CYP4F11: variants seen among roughly 807,000 people sequenced by gnomAD.
CYP4F11 encodes cytochrome P450 family 4 subfamily F member 11.
Under a neutral mutation model 62.2 loss-of-function variants are expected in CYP4F11, and 79 were observed. The observed-to-expected ratio is 1.27, with a 90% confidence interval of 1.06 to 1.53. CYP4F11 has a LOEUF of 1.53. CYP4F11 is among the 40% of genes most tolerant of loss of function. The probability of loss-of-function intolerance (pLI) is 0.00; values close to 1 mark genes in which losing one functional copy is unlikely to be tolerated. For missense variants in CYP4F11, 777 were observed against 680.5 expected, an observed-to-expected ratio of 1.14 and a Z score of -1.58; for synonymous variants, 290 against 263.7, an observed-to-expected ratio of 1.10 and a Z score of -0.97.
chr19:15,912,771 G>GTGTATATA lies in CYP4F11; in HGVS notation c.*960_*961insTATATACA, dbSNP rs1555776620. 1 of 28,094 alleles carries GTGTATATA rather than the reference G, an allele frequency of 3.6e-5. No individual in the cohort carries two copies. The highest frequency in any genetic ancestry group is 1.3e-4 in the African/African-American group (1 of 7,760). The allele number at this position is 28,094 out of a possible 1,614,324, so 1.7% of individuals were successfully genotyped here. A position where few individuals can be genotyped will look rare whatever the true frequency, so the allele number is the denominator to read the frequency against. ...TGTGTGTGTGTGTGTGTGTGTGTGT[G>GTGTATATA]TATATATATATATATATAATATATA... On this transcript the variant is annotated 3_prime_UTR_variant, in exon 12 of 12. Transcript: ENST00000402119.
rs376275200 is a variant in CYP4F11, at chr19:15,934,191, C to T, written c.198+20G>A. On this transcript the variant is annotated intron_variant, in intron 1 of 11. Transcript: ENST00000402119. ...TCCATGCATCCTGAGACCCCAGACC[C>T]GTCCTGCTGACAAACTCACCAGGCC... is the stretch of plus-strand genomic sequence containing the variant. The T allele has an allele frequency of 3.3e-5, 53 of 1,612,702 alleles. 1 individual carries two copies. Among genetic ancestry groups the T allele is most frequent in the Non-Finnish European group, 4.2e-5 (50 of 1,179,138 alleles).
intron 1 of CYP4F11, 141 bp from the exon 2 acceptor site, chr19:15,929,742 G>C (rs1053970421): frequency 2.0e-6 from 2 of 991,070 alleles, no homozygotes; most frequent in African/African-American, 3.3e-5. Flanking sequence ...TGTGTCCATC[G>C]GTGTATTTCC....
In CYP4F11 at chr19:15,912,680, A is replaced by AAAAAAAAAAAAAATATAT. The variant is rs59091525; in HGVS notation, c.*1051_*1052insATATATTTTTTTTTTTTT. 3.0e-5 allele frequency: 2 copies of AAAAAAAAAAAAAATATAT among 66,170 alleles called. No homozygotes were observed. The highest frequency in any genetic ancestry group is 1.3e-4 in the African/African-American group (2 of 15,530). 4.1% of individuals were successfully genotyped at this position (66,170 alleles called of 1,614,324 possible). A position where few individuals can be genotyped will look rare whatever the true frequency, so the allele number is the denominator to read the frequency against. Reference sequence around the variant, plus strand: ...TCACCATCCTCAGGAAAAAAAAAAAAATATATATATATATATATGTGTGTG... The same window carrying AAAAAAAAAAAAAATATAT: ...TCACCATCCTCAGGAAAAAAAAAAAAAAAAAAAAAAAAATATATATATATATATATATATATGTGTGTG... On this transcript the variant is annotated 3_prime_UTR_variant, in exon 12 of 12. Transcript: ENST00000402119.
Position 15,927,446 on chromosome 19 carries a change from G to C in CYP4F11, c.381C>G (p.Phe127Leu). The change falls in exon 3 of 12, where the codon TTC (phenylalanine) becomes TTG (leucine). Residue 127 changes from phenylalanine to leucine, a missense_variant. Physicochemically the swap from Phe to Leu is conservative, Grantham distance 22. Transcript: ENST00000402119. ...ATTACTCACCCAGCCAGGGCTTCAG[G>C]AAGCCATAGAAAATCATATCCTTGG... ...VAPKDMIFYG[F>L]LKPWLGDGLL... 1.2e-6 allele frequency: 2 copies of C among 1,614,114 alleles called. No homozygotes were observed. The highest frequency in any genetic ancestry group is 2.2e-5 in the South Asian group (2 of 91,076).
chr19:15,914,898 A>G lies in CYP4F11; in HGVS notation c.1116-3T>C. 6.2e-7 allele frequency: 1 copy of G among 1,614,106 alleles called. No homozygotes were observed. The highest frequency in any genetic ancestry group is 8.5e-7 in the Non-Finnish European group (1 of 1,179,990). On this transcript the variant is annotated splice_polypyrimidine_tract_variant and splice_region_variant and intron_variant, in intron 8 of 11. Coordinates refer to ENST00000402119, the MANE Select transcript of CYP4F11 (RefSeq NM_021187.4). Reference sequence around the variant, plus strand: ...AGGGCAGCTGGGCCAGGTCGTCCCTAAGAAAACACCCCAGCCCCAATCATT... The same window carrying G: ...AGGGCAGCTGGGCCAGGTCGTCCCTGAGAAAACACCCCAGCCCCAATCATT...
At chr19:15,923,423 C>A (rs192156379) in intron 6 of CYP4F11, among the ~76,000 whole-genome samples, 203 of 152,214 alleles carry the variant, frequency 1.3e-3, no homozygotes, top group African/African-American at 4.8e-3. Flanking sequence ...TTGCATTACC[C>A]TAGAAGGAAT....
Position 15,922,052 on chromosome 19 carries a change from G to A in CYP4F11, c.1100C>T (p.Pro367Leu). The change falls in exon 8 of 12, where the codon CCT becomes CTT. Residue 367 changes from proline to leucine, a missense_variant. Transcript: ENST00000402119. ...CTGCACTCACCATTCAATCTCTATA[G>A]GTTCACGGTCCTTCAGAAGCTCTTG... Reference protein sequence around the residue: ...EVQELLKDREPIEIEWDDLAQ... With the variant: ...EVQELLKDRELIEIEWDDLAQ... 6.2e-7 allele frequency: 1 copy of A among 1,610,234 alleles called. No individual in the cohort carries two copies. Among genetic ancestry groups the A allele is most frequent in the Non-Finnish European group, 8.5e-7 (1 of 1,177,944 alleles).
In CYP4F11 at chr19:15,912,695, A is replaced by ATG. The variant is rs1423004116; in HGVS notation, c.*1036_*1037insCA. 69 of 41,412 alleles carry ATG rather than the reference A, an allele frequency of 1.7e-3. 1 individual carries two copies. Among genetic ancestry groups the ATG allele is most frequent in the Non-Finnish European group, 2.6e-3 (54 of 20,646 alleles). 2.6% of individuals were successfully genotyped at this position (41,412 alleles called of 1,614,324 possible). A position where few individuals can be genotyped will look rare whatever the true frequency, so the allele number is the denominator to read the frequency against. ...AAAAAAAAAAAATATATATATATAT[A>ATG]TATGTGTGTGTGTGTGTGTGTGTGT... On this transcript the variant is annotated 3_prime_UTR_variant, in exon 12 of 12. Transcript: ENST00000402119.
intron 1 of CYP4F11, among the ~76,000 whole-genome samples, chr19:15,931,181 A>C (rs1322634428): frequency 6.6e-6 from 1 of 151,886 alleles, no homozygotes; most frequent in African/African-American, 2.4e-5. Context: ...CCTCCAGAAA[A>C]GGAGGCAGCG....
intron 2 of CYP4F11, 163 bp from the exon 3 acceptor site, chr19:15,927,646 G>C: frequency 1.1e-6 from 1 of 882,602 alleles, no homozygotes; most frequent in South Asian, 1.6e-5. Context: ...GTGGAGGAAG[G>C]AGAGACCAGA....
At chr19:15,919,487 GATAGATAGATAGATAGAT>G (rs1367183107) in intron 8 of CYP4F11, among the ~76,000 whole-genome samples, 1 of 110,022 alleles carries the variant, frequency 9.1e-6, no homozygotes, top group Admixed American at 9.3e-5. Flanking sequence ...TAGATAGATA[GATAGATAGATAGATAGAT>G]AGATAGATAG....
In CYP4F11 at chr19:15,912,568, G is replaced by A. The variant is rs58046343; in HGVS notation, c.*1164C>T. 0.15 allele frequency: 22,509 copies of A among 150,202 alleles called. 1,864 individuals are homozygous for A. The highest frequency in any genetic ancestry group is 0.28 in the South Asian group (1,302 of 4,728). 9.3% of individuals were successfully genotyped at this position (150,202 alleles called of 1,614,324 possible). ...TGCAACATCCCTTAGGCTATGAAAAGAGATCAATGTTTGTAGCAGGATTTT... is the reference window on the plus strand; with the variant it reads ...TGCAACATCCCTTAGGCTATGAAAAAAGATCAATGTTTGTAGCAGGATTTT... On this transcript the variant is annotated 3_prime_UTR_variant, in exon 12 of 12. Coordinates refer to ENST00000402119, the MANE Select transcript of CYP4F11 (RefSeq NM_021187.4).
chr19:15,927,530 A>G (rs2089679989), intron 2 of CYP4F11, 47 bp from the exon 3 acceptor site: 1 of 1,611,020 alleles, frequency 6.2e-7, no homozygotes, highest in Middle Eastern at 1.7e-4. Context: ...GGGTGAGAGA[A>G]GGACTTTGGG....
chr19:15,934,432 G>T lies in CYP4F11; in HGVS notation c.-24C>A. On this transcript the variant is annotated 5_prime_UTR_variant, in exon 1 of 12. Coordinates refer to ENST00000402119, the MANE Select transcript of CYP4F11 (RefSeq NM_021187.4). ...ATCCTGCAGGGCAGACGGGATGGAG[G>T]GTGGGATCCTGAGGCCCAGGGAAGG... is the stretch of plus-strand genomic sequence containing the variant. The T allele has an allele frequency of 3.1e-6, 5 of 1,609,934 alleles. No individual in the cohort carries two copies. Among genetic ancestry groups the T allele is most frequent in the Non-Finnish European group, 4.2e-6 (5 of 1,178,644 alleles).
intron 1 of CYP4F11, among the ~76,000 whole-genome samples, chr19:15,931,253 A>G (rs2089713476): frequency 6.6e-6 from 1 of 151,806 alleles, no homozygotes; most frequent in Non-Finnish European, 1.5e-5. Context: ...AGGGGCTCAG[A>G]GCTAATTCCT....
chr19:15,934,835 C>T, upstream of CYP4F11: 1 of 177,608 alleles, frequency 5.6e-6, no homozygotes, highest in Non-Finnish European at 1.2e-5. Flanking sequence ...CACATACCCT[C>T]CTCTCCCCCT....
At chr19:15,915,603 T>A (rs2089577805) in intron 8 of CYP4F11, among the ~76,000 whole-genome samples, 1 of 152,192 alleles carries the variant, frequency 6.6e-6, no homozygotes, top group Non-Finnish European at 1.5e-5. Context: ...CTAGAGATAA[T>A]TTTTAGTATC....
chr19:15,921,949 A>T, intron 8 of CYP4F11, 88 bp downstream of exon 8: 2 of 1,448,080 alleles, frequency 1.4e-6, no homozygotes, highest in Non-Finnish European at 1.8e-6. Flanking sequence ...ATAATGGAAG[A>T]ATTGACCAAA....
chr19:15,922,111 G>A lies in CYP4F11; in HGVS notation c.1041C>T (p.His347=), dbSNP rs372774278. 9 of 1,613,980 alleles carry A rather than the reference G, an allele frequency of 5.6e-6. No individual in the cohort carries two copies. The highest frequency in any genetic ancestry group is 7.6e-6 in the Non-Finnish European group (9 of 1,179,986). Residue 347 remains histidine (H), a synonymous_variant, in exon 8 of 12, where the codon CAC becomes CAT. Coordinates refer to ENST00000402119, the MANE Select transcript of CYP4F11 (RefSeq NM_021187.4). ...LSWVLYHLAK[H]PEYQEQCRQE... ...GCCGGCACTGTTCCTGGTATTCTGG[G>A]TGCTTTGCAAGGTGGTATAGGACCC... is the stretch of plus-strand genomic sequence containing the variant.
Sources: allele counts gnomAD v4.1 joint callset (sites outside exome capture counted in the v4.1 genomes callset), GRCh38; gene constraint gnomAD v4.1.1; transcripts MANE v1.5; gene names NCBI Gene and HGNC (gene_info 2026-07-23, HGNC 2026-07-21).